KLHL29: variants seen among roughly 807,000 people sequenced by gnomAD.
The protein encoded by KLHL29 is kelch like family member 29.
Under a neutral mutation model 80.4 loss-of-function variants are expected in KLHL29, and 21 were observed. The ratio of observed to expected loss-of-function variants is 0.26; its 90% CI spans 0.19 to 0.38. The LOEUF (loss-of-function observed/expected upper bound fraction) is 0.38. Ranked by LOEUF, KLHL29 falls within the 10% of genes least tolerant of loss-of-function variation. The probability of loss-of-function intolerance (pLI) is 1.00; values close to 1 mark genes in which losing one functional copy is unlikely to be tolerated. For synonymous variants in KLHL29, 511 were observed against 526.8 expected, an observed-to-expected ratio of 0.97 and a Z score of 0.41; for missense variants, 867 against 1,223.9, an observed-to-expected ratio of 0.71 and a Z score of 4.35.
chr2:23,654,788 A>G (rs1670194883), intron 5 of KLHL29, among the ~76,000 whole-genome samples: 1 of 151,216 alleles, frequency 6.6e-6, no homozygotes, highest in African/African-American at 2.4e-5. Context: ...ATCTGCCCTG[A>G]GAGGCAGAGT....
intron 3 of KLHL29, among the ~76,000 whole-genome samples, chr2:23,572,572 A>G (rs1386006818): frequency 2.0e-5 from 3 of 152,200 alleles, no homozygotes; most frequent in East Asian, 1.9e-4. Flanking sequence ...ATGGATTAAT[A>G]TATATGAATA....
In KLHL29 at chr2:23,703,332, AC is replaced by A; in HGVS notation, c.2253del (p.Tyr751Ter). The A allele has an allele frequency of 6.5e-7, 1 of 1,541,924 alleles. No individual in the cohort carries two copies. The highest frequency in any genetic ancestry group is 8.7e-7 in the Non-Finnish European group (1 of 1,143,294). The stretch of plus-strand genomic sequence containing the variant: ...CGAGCTGCCGGCGTCCTCCAGTCTT[AC>A]GTTCCTCAGACCAACACGTGGAGCT... ...AGRAAGVLQSYVPQTNTWSFI... is the reference protein window; with the variant it reads ...AGRAAGVLQSXVPQTNTWSFI... On this transcript the variant is annotated frameshift_variant, in exon 12 of 14. Coordinates refer to ENST00000486442, the MANE Select transcript of KLHL29 (RefSeq NM_052920.2). LOFTEE classifies it high-confidence loss of function.
chr2:23,493,111 G>A (rs995164508), intron 2 of KLHL29, among the ~76,000 whole-genome samples: 5 of 152,162 alleles, frequency 3.3e-5, no homozygotes, highest in Non-Finnish European at 7.3e-5. Flanking sequence ...CCTGCCTCCC[G>A]CACAGGAATG....
intron 3 of KLHL29, among the ~76,000 whole-genome samples, chr2:23,624,888 A>T (rs1669272128): frequency 1.3e-5 from 2 of 152,198 alleles, no homozygotes; most frequent in South Asian, 4.1e-4. Context: ...GCTTGTTGAA[A>T]TCAGCCTTTC....
rs1665520883 is a variant in KLHL29 at position 23,503,826 on chromosome 2, C to T, written c.-46+28159C>T. ...CAGACCTCTAGTCCACACAGTCCTG[C>T]ACACATTGCCGTCTTTGTTTAAAGA... On this transcript the variant is annotated intron_variant, in intron 2 of 13. Coordinates refer to ENST00000486442, the MANE Select transcript of KLHL29 (RefSeq NM_052920.2). This position sits in a 1 kb window ranked among gnomAD's most constrained non-coding sequence, Gnocchi z 4.0. Among the ~76,000 whole-genome samples, 1 of 152,214 alleles carries T rather than the reference C, an allele frequency of 6.6e-6. No individual in the cohort carries two copies. Among genetic ancestry groups the T allele is most frequent in the Admixed American group, 6.5e-5 (1 of 15,284 alleles).
intron 5 of KLHL29, chr2:23,667,599 A>C (rs576093823): frequency 1.3e-5 from 2 of 152,708 alleles, no homozygotes; most frequent in East Asian, 3.9e-4. Flanking sequence ...ATCACCCAGC[A>C]AGTGCTCACC....
At chr2:23,580,441 C>T (rs1488570921) in intron 3 of KLHL29, among the ~76,000 whole-genome samples, 27 of 96,814 alleles carry the variant, frequency 2.8e-4, no homozygotes, top group African/African-American at 9.9e-4. Context: ...TTTAGGAGGC[C>T]GAGGCAGGTG....
At chr2:23,544,850 G>A (rs1666941543) in intron 2 of KLHL29, among the ~76,000 whole-genome samples, 1 of 152,166 alleles carries the variant, frequency 6.6e-6, no homozygotes, top group Non-Finnish European at 1.5e-5. Flanking sequence ...GAGGGGCAGG[G>A]GGAGACCAAA....
chr2:23,704,699 G>A (rs1572540722), intron 13 of KLHL29, among the ~76,000 whole-genome samples: 3 of 152,156 alleles, frequency 2.0e-5, no homozygotes, highest in Admixed American at 1.3e-4. Flanking sequence ...CCCGGGAGGC[G>A]GAGGTTGCAG....
intron 2 of KLHL29, chr2:23,524,056 C>T (rs1424654782): frequency 3.2e-5 from 15 of 471,314 alleles, no homozygotes; most frequent in Middle Eastern, 3.2e-4. Flanking sequence ...CTTCCTCTTC[C>T]GAAGGCCTTC....
At chr2:23,470,093 G>A (rs1558349963) in intron 1 of KLHL29, among the ~76,000 whole-genome samples, 1 of 151,920 alleles carries the variant, frequency 6.6e-6, no homozygotes, top group Admixed American at 6.6e-5. Context: ...GTTTATGGTG[G>A]AGTCATGTCA....
At chr2:23,662,366 C>A (rs1036635708) in intron 5 of KLHL29, among the ~76,000 whole-genome samples, 4 of 152,166 alleles carry the variant, frequency 2.6e-5, no homozygotes, top group African/African-American at 9.7e-5. Context: ...TGCAGGGCCA[C>A]GTCGTGTTCT....
Position 23,696,622 on chromosome 2 carries a change from C to T in KLHL29, c.2105+109C>T. On this transcript the variant is annotated intron_variant, in intron 11 of 13. Transcript: ENST00000486442. This position sits in a 1 kb window ranked among gnomAD's most constrained non-coding sequence, Gnocchi z 5.5. ...CCACTCAGTGGCGATGGAGCAGAGC[C>T]TGGACCATTCATATGGGCAGTCATC... 2.3e-6 allele frequency: 2 copies of T among 865,870 alleles called. No individual in the cohort carries two copies. Among genetic ancestry groups the T allele is most frequent in the Non-Finnish European group, 3.5e-6 (2 of 571,516 alleles). 53.6% of individuals were successfully genotyped at this position (865,870 alleles called of 1,614,324 possible).
intron 5 of KLHL29, among the ~76,000 whole-genome samples, chr2:23,674,454 C>T (rs1027415776): frequency 6.6e-6 from 1 of 152,104 alleles, no homozygotes; most frequent in Admixed American, 6.5e-5. Context: ...TGGCATTCTG[C>T]CCTGACCCCA....
chr2:23,513,181 G>C (rs1665824771), intron 2 of KLHL29, among the ~76,000 whole-genome samples: 1 of 152,234 alleles, frequency 6.6e-6, no homozygotes, highest in Non-Finnish European at 1.5e-5. Flanking sequence ...TTAAATTTGG[G>C]GAGGGTGGAA....
At chr2:23,634,863 T>C (rs1669567654) in intron 3 of KLHL29, among the ~76,000 whole-genome samples, 3 of 152,234 alleles carry the variant, frequency 2.0e-5, no homozygotes, top group Admixed American at 6.5e-5. Context: ...TGTGCATTCA[T>C]TCATTCATTC....
chr2:23,603,113 G>A (rs1468560000), intron 3 of KLHL29, among the ~76,000 whole-genome samples: 1 of 152,170 alleles, frequency 6.6e-6, no homozygotes, highest in Non-Finnish European at 1.5e-5. Flanking sequence ...TCAGGGAAGT[G>A]ACCCCCCACC....
intron 1 of KLHL29, among the ~76,000 whole-genome samples, chr2:23,468,353 T>C (rs1431960024): frequency 1.3e-5 from 2 of 152,144 alleles, no homozygotes; most frequent in Non-Finnish European, 2.9e-5. Flanking sequence ...GGTGGTGCTG[T>C]GCAGACCAGG....
intron 2 of KLHL29, among the ~76,000 whole-genome samples, chr2:23,548,961 AG>A (rs981387461): frequency 6.6e-6 from 1 of 152,156 alleles, no homozygotes; most frequent in Non-Finnish European, 1.5e-5. Flanking sequence ...CCATTGTCGA[AG>A]GGGGTCACTG....
Sources: allele counts gnomAD v4.1 joint callset (sites outside exome capture counted in the v4.1 genomes callset), GRCh38; gene constraint gnomAD v4.1.1; non-coding constraint Gnocchi (gnomAD v3.1); transcripts MANE v1.5; gene names NCBI Gene and HGNC (gene_info 2026-07-23, HGNC 2026-07-21).